GRIK4: variants seen among roughly 807,000 people sequenced by gnomAD.
The protein encoded by GRIK4 is glutamate ionotropic receptor kainate type subunit 4.
A neutral mutation model predicts 104.9 loss-of-function variants in GRIK4; 40 were observed. The ratio of observed to expected loss-of-function variants is 0.38; its 90% CI spans 0.30 to 0.50. The LOEUF is 0.50. GRIK4 is among the 20% of genes least tolerant of loss of function. The pLI is 0.93. For missense variants in GRIK4, 1,047 were observed against 1,308.1 expected (o/e 0.80, Z 3.08); for synonymous variants, 485 against 524.9 (o/e 0.92, Z 1.04).
At position 120,909,982 on chromosome 11, in the gene GRIK4, C is replaced by T. The variant is rs555163467; in HGVS notation, c.1476+4489C>T. The stretch of plus-strand genomic sequence containing the variant: ...AAGAGATGAATGGGTCATGAGCACT[C>T]TGCCCTTAGGAATGGATTCATGTCA... On this transcript the variant is annotated intron_variant, in intron 13 of 20. Coordinates refer to ENST00000527524, the MANE Select transcript of GRIK4 (RefSeq NM_014619.5). Among the ~76,000 whole-genome samples the T allele has an allele frequency of 2.0e-5, 3 of 152,308 alleles. No individual in the cohort carries two copies. The South Asian group carries it at 6.2e-4, about 32-fold the overall frequency.
At chr11:120,901,925 T>C (rs1470083566) in intron 12 of GRIK4, among the ~76,000 whole-genome samples, 3 of 152,156 alleles carry the variant, frequency 2.0e-5, no homozygotes. Flanking sequence ...TGAGGTGACA[T>C]TTAACAACAT....
At chr11:120,962,799 G>C (rs1944314030) in intron 18 of GRIK4, 118 bp downstream of exon 18, 1 of 608,518 alleles carries the variant, frequency 1.6e-6, no homozygotes, top group Non-Finnish European at 2.9e-6. Context: ...CAGTTTAACA[G>C]TGACTTTACG....
intron 1 of GRIK4, among the ~76,000 whole-genome samples, chr11:120,637,807 C>T (rs1205211320): frequency 6.6e-6 from 1 of 152,106 alleles, no homozygotes; most frequent in Non-Finnish European, 1.5e-5. Context: ...CCTACAGAAC[C>T]ATACCTCTCC....
chr11:120,572,527 A>G (rs1206725678), intron 1 of GRIK4, among the ~76,000 whole-genome samples: 1 of 151,992 alleles, frequency 6.6e-6, no homozygotes, highest in Non-Finnish European at 1.5e-5. Context: ...CTTTGGGAAG[A>G]TTTGCCTGGC....
At chr11:120,809,161 C>T (rs771944767) in intron 4 of GRIK4, among the ~76,000 whole-genome samples, 20 of 152,188 alleles carry the variant, frequency 1.3e-4, no homozygotes, top group Non-Finnish European at 2.1e-4. Flanking sequence ...AGTTCCACGA[C>T]GCCCCTCACC....
rs569021672 is a variant in GRIK4 at position 120,532,114 on chromosome 11, C to A, written c.-159+20227C>A. Among the ~76,000 whole-genome samples, 4 of 152,192 alleles carry A rather than the reference C, an allele frequency of 2.6e-5. 1 individual carries two copies. Among genetic ancestry groups the A allele is most frequent in the Admixed American group, 2.6e-4 (4 of 15,292 alleles). On this transcript the variant is annotated intron_variant, in intron 1 of 20. Transcript: ENST00000527524. ...GGAGCAAGACAGCCACAGCTGGAGC[C>A]GGGTACCTGTGGCCACTCAGGCCCT...
intron 19 of GRIK4, among the ~76,000 whole-genome samples, chr11:120,977,149 C>T (rs1261244727): frequency 6.6e-6 from 1 of 152,192 alleles, no homozygotes; most frequent in Non-Finnish European, 1.5e-5. Flanking sequence ...ATTTAGCCAA[C>T]CAGGAGTTTG....
intron 1 of GRIK4, among the ~76,000 whole-genome samples, chr11:120,521,883 T>A (rs778553565): frequency 2.6e-5 from 4 of 152,238 alleles, no homozygotes; most frequent in Non-Finnish European, 4.4e-5. Context: ...TGCTGCCGCC[T>A]TCTGCTCTTC....
At chr11:120,765,926 G>T (rs182584119) in intron 3 of GRIK4, among the ~76,000 whole-genome samples, 1 of 152,234 alleles carries the variant, frequency 6.6e-6, no homozygotes, top group Non-Finnish European at 1.5e-5. Flanking sequence ...GGAAGCACAG[G>T]GGTCAGGGAC....
At chr11:120,643,637 G>A (rs1217395978) in intron 1 of GRIK4, among the ~76,000 whole-genome samples, 1 of 152,208 alleles carries the variant, frequency 6.6e-6, no homozygotes, top group Non-Finnish European at 1.5e-5. Flanking sequence ...TTTGCAACTT[G>A]GCTCATCGCT....
At chr11:120,634,460 C>G (rs763400417) in intron 1 of GRIK4, among the ~76,000 whole-genome samples, 1 of 152,088 alleles carries the variant, frequency 6.6e-6, no homozygotes, top group African/African-American at 2.4e-5. Context: ...GCTTGTAACA[C>G]AGAGTTCCCT....
At chr11:120,886,004 G>A (rs1212080887) in intron 11 of GRIK4, among the ~76,000 whole-genome samples, 1 of 152,234 alleles carries the variant, frequency 6.6e-6, no homozygotes, top group Admixed American at 6.5e-5. Context: ...TTGGGGATTA[G>A]GGATGGAAGT....
rs558601004 is a variant in GRIK4 at position 120,835,062 on chromosome 11, A to G, written c.691-1729A>G. On this transcript the variant is annotated intron_variant, in intron 7 of 20. Transcript: ENST00000527524. ...TCCTCTTGAAAGTGAAGGAGGAAAT[A>G]TAGCTTGGCCTGGAGGAAGAAGGAG... is the stretch of plus-strand genomic sequence containing the variant. 1.8e-4 allele frequency among the ~76,000 whole-genome samples: 28 copies of G among 152,312 alleles called. No individual in the cohort carries two copies. The South Asian group carries it at 5.6e-3, about 30-fold the overall frequency.
intron 11 of GRIK4, among the ~76,000 whole-genome samples, chr11:120,891,233 C>T (rs1592046722): frequency 2.6e-5 from 4 of 152,274 alleles, no homozygotes; most frequent in South Asian, 4.1e-4. Flanking sequence ...GGCCTGAGGG[C>T]TCACTGACTG....
Position 120,750,731 on chromosome 11 carries a change from A to G in GRIK4, c.83-51962A>G, listed in dbSNP as rs558039528. On this transcript the variant is annotated intron_variant, in intron 3 of 20. Transcript: ENST00000527524. ...TCTAGAACACAGGCTCTCCAAAGTG[A>G]GGTACTCTGTGTTCCATTTAATTAA... 4.6e-5 allele frequency among the ~76,000 whole-genome samples: 7 copies of G among 152,250 alleles called. No individual in the cohort carries two copies. The South Asian group carries it at 1.5e-3, about 32-fold the overall frequency.
chr11:120,973,745 G>A (rs1452110436), intron 19 of GRIK4, among the ~76,000 whole-genome samples: 2 of 152,190 alleles, frequency 1.3e-5, no homozygotes, highest in African/African-American at 2.4e-5. Flanking sequence ...GAAACTGCAC[G>A]TGACCTCTTC....
In GRIK4 at chr11:120,956,495, G is replaced by A. The variant is rs904983152; in HGVS notation, c.1701-285G>A. ...GCTGGGATTACAGGCATGAGCCACC[G>A]CACCTGGCCATCCTCTATTCTGTAT... On this transcript the variant is annotated intron_variant, in intron 15 of 20. Transcript: ENST00000527524. This position sits in a 1 kb window ranked among gnomAD's most constrained non-coding sequence, Gnocchi z 4.6. 6.6e-6 allele frequency among the ~76,000 whole-genome samples: 1 copy of A among 151,996 alleles called. No homozygotes were observed. The highest frequency in any genetic ancestry group is 6.6e-5 in the Admixed American group (1 of 15,258).
At chr11:120,622,691 G>A (rs1949204848) in intron 1 of GRIK4, among the ~76,000 whole-genome samples, 1 of 152,182 alleles carries the variant, frequency 6.6e-6, no homozygotes, top group Non-Finnish European at 1.5e-5. Flanking sequence ...TCACAATTCT[G>A]GAGGCCAGAA....
At chr11:120,771,430 C>T (rs1355620544) in intron 3 of GRIK4, among the ~76,000 whole-genome samples, 6 of 152,150 alleles carry the variant, frequency 3.9e-5, no homozygotes, top group Non-Finnish European at 7.3e-5. Context: ...GGATATATGA[C>T]TGAGGAAATT....
Sources: gnomAD v4.1 joint callset for allele counts (sites outside exome capture counted in the v4.1 genomes callset) on GRCh38, gnomAD v4.1.1 for gene constraint, Gnocchi (gnomAD v3.1) non-coding constraint, MANE v1.5 for transcripts, NCBI Gene and HGNC (gene_info 2026-07-23, HGNC 2026-07-21) for gene names.